The following TCF25 variants were observed in gnomAD, a reference collection of about 807,000 sequenced individuals.
TCF25 encodes TCF25 ribosome quality control complex subunit.
Under a neutral mutation model 83.1 loss-of-function variants are expected in TCF25, and 41 were observed. That is an observed-to-expected ratio of 0.49 (90% CI 0.38 to 0.64). TCF25 has a LOEUF of 0.64. Ranked by LOEUF, TCF25 falls within the 30% of genes least tolerant of loss-of-function variation. The pLI is 0.00. For synonymous variants in TCF25, 458 were observed against 365.0 expected (o/e 1.25, Z -2.90); for missense variants, 979 against 914.5 (o/e 1.07, Z -0.91).
chr16:89,893,897 A>T, intron 7 of TCF25, 39 bp downstream of exon 7: 1 of 1,570,304 alleles, frequency 6.4e-7, no homozygotes, highest in Non-Finnish European at 8.6e-7. Flanking sequence ...AGCAGGGGCC[A>T]TGTAGCCACC....
chr16:89,878,590 T>C, intron 1 of TCF25: 1 of 1,166,546 alleles, frequency 8.6e-7, no homozygotes, highest in Middle Eastern at 2.4e-4. Flanking sequence ...ATGTTCCCCA[T>C]TTGAGACCCT....
At chr16:89,909,509 CAAAAA>C (rs11356338) in intron 16 of TCF25, 11 of 63,974 alleles carry the variant, frequency 1.7e-4, no homozygotes, top group East Asian at 1.5e-3. Context: ...GACTCCGTCT[CAAAAA>C]AAAAAAAAAA....
At chr16:89,883,659 G>C in intron 2 of TCF25, 147 bp downstream of exon 2, 1 of 927,262 alleles carries the variant, frequency 1.1e-6, no homozygotes, top group Non-Finnish European at 1.6e-6. Flanking sequence ...AAATTTACTT[G>C]GGAACCTTGA....
At chr16:89,903,668 G>A (rs572114315) in intron 12 of TCF25, among the ~76,000 whole-genome samples, 9 of 152,078 alleles carry the variant, frequency 5.9e-5, no homozygotes, top group East Asian at 1.9e-4. Context: ...TAACCGGGGC[G>A]TGGTAGTGTG....
At chr16:89,877,704 G>T (rs2042300602) in intron 1 of TCF25, among the ~76,000 whole-genome samples, 1 of 152,136 alleles carries the variant, frequency 6.6e-6, no homozygotes, top group Admixed American at 6.5e-5. Flanking sequence ...CCGAAACTTG[G>T]TTCTCTCAAA....
chr16:89,883,246 T>A, intron 1 of TCF25, 105 bp from the exon 2 acceptor site: 1 of 1,492,426 alleles, frequency 6.7e-7, no homozygotes, highest in Non-Finnish European at 9.1e-7. Context: ...GCACTGACCC[T>A]GGGGGTCCCC....
chr16:89,878,147 G>T lies in TCF25; in HGVS notation c.192+4288G>T, dbSNP rs145993998. 2.8e-3 allele frequency among the ~76,000 whole-genome samples: 425 copies of T among 152,102 alleles called. 1 individual carries two copies. The highest frequency in any genetic ancestry group is 4.7e-3 in the Admixed American group (72 of 15,258). Reference sequence around the variant, plus strand: ...ACAAAAAAACTGTCCAAGTATAGTGGCACTCACCTGTGGTCACAGCTACTC... The same window carrying T: ...ACAAAAAAACTGTCCAAGTATAGTGTCACTCACCTGTGGTCACAGCTACTC... On this transcript the variant is annotated intron_variant, in intron 1 of 17. Coordinates refer to ENST00000263346, the MANE Select transcript of TCF25 (RefSeq NM_014972.3).
In TCF25 at chr16:89,907,315, C is replaced by A. The variant is rs2044876238; in HGVS notation, c.1792C>A (p.Pro598Thr). 2 of 1,612,346 alleles carry A rather than the reference C, an allele frequency of 1.2e-6. No homozygotes were observed. The highest frequency in any genetic ancestry group is 3.3e-5 in the Admixed American group (2 of 59,934). The change falls in exon 16 of 18, where the codon CCA becomes ACA. Residue 598 changes from proline to threonine, a missense_variant. Pro to Thr is a conservative substitution (Grantham distance 38). Coordinates refer to ENST00000263346, the MANE Select transcript of TCF25 (RefSeq NM_014972.3). ...GGACACAATCTACTCCTACGTCAGGCCAGAGAGGTACCTCCCTCCTTCCAG... is the reference window on the plus strand; with the variant it reads ...GGACACAATCTACTCCTACGTCAGGACAGAGAGGTACCTCCCTCCTTCCAG... The part of the protein sequence containing the change: ...PSDTIYSYVR[P>T]ERLSPISHGN...
chr16:89,902,706 A>G (rs1237780453), intron 12 of TCF25, among the ~76,000 whole-genome samples: 1 of 128,570 alleles, frequency 7.8e-6, no homozygotes, highest in Non-Finnish European at 1.8e-5. Context: ...AAGAAAAAAA[A>G]AAAAAGACGG....
At chr16:89,893,947 G>A in intron 7 of TCF25, 89 bp downstream of exon 7, 3 of 1,524,342 alleles carry the variant, frequency 2.0e-6, no homozygotes, top group Non-Finnish European at 2.7e-6. Context: ...GCTGGGGGAG[G>A]CATGCTGCCT....
chr16:89,879,184 T>G (rs1236532910), intron 1 of TCF25, among the ~76,000 whole-genome samples: 1 of 150,590 alleles, frequency 6.6e-6, no homozygotes, highest in Non-Finnish European at 1.5e-5. Flanking sequence ...CTCCTGGGCC[T>G]ATCACCCGTG....
intron 16 of TCF25, chr16:89,909,001 G>T (rs1242726221): frequency 3.9e-6 from 5 of 1,289,510 alleles, no homozygotes; most frequent in Non-Finnish European, 5.1e-6. Context: ...GTTATTTGGG[G>T]GTCACAGCTC....
chr16:89,877,969 G>T (rs987277732), intron 1 of TCF25, among the ~76,000 whole-genome samples: 5 of 152,154 alleles, frequency 3.3e-5, no homozygotes, highest in Admixed American at 6.6e-5. Flanking sequence ...TAAAGATACT[G>T]AATTTTTTAA....
intron 4 of TCF25, 116 bp from the exon 5 acceptor site, chr16:89,887,536 C>A: frequency 1.0e-6 from 1 of 956,834 alleles, no homozygotes; most frequent in Non-Finnish European, 1.5e-6. Context: ...CTGGAAGCTG[C>A]CTTTCAAACC....
chr16:89,877,658 A>G (rs117992357), intron 1 of TCF25, among the ~76,000 whole-genome samples: 2,113 of 152,336 alleles, frequency 0.014, 27 homozygotes, highest in Non-Finnish European at 0.021. Context: ...GAATGCACAG[A>G]ATAGAGTATG....
At chr16:89,899,248 G>T (rs1439437646) in intron 11 of TCF25, among the ~76,000 whole-genome samples, 1 of 152,182 alleles carries the variant, frequency 6.6e-6, no homozygotes, top group African/African-American at 2.4e-5. Flanking sequence ...GGTTGGTTGC[G>T]TGGGGCTGAC....
intron 4 of TCF25, among the ~76,000 whole-genome samples, chr16:89,887,303 T>TAA (rs1000969654): frequency 6.9e-6 from 1 of 144,942 alleles, no homozygotes; most frequent in Middle Eastern, 3.5e-3. Context: ...ATTGCCAGCT[T>TAA]AAAAAAAAAA....
intron 5 of TCF25, among the ~76,000 whole-genome samples, chr16:89,891,954 G>C (rs1005196475): frequency 9.9e-5 from 15 of 152,196 alleles, no homozygotes; most frequent in African/African-American, 3.4e-4. Flanking sequence ...ACAGGTGTGA[G>C]CCCCCGTGCC....
chr16:89,894,004 G>T lies in TCF25; in HGVS notation c.828+146G>T, dbSNP rs983078991. On this transcript the variant is annotated intron_variant, in intron 7 of 17. Coordinates refer to ENST00000263346, the MANE Select transcript of TCF25 (RefSeq NM_014972.3). The stretch of plus-strand genomic sequence containing the variant: ...GGTGCCAGTCTCTGCAGGGCGGTCT[G>T]GCCCTGTGACCAGAAGGAGATGTGT... The T allele has an allele frequency of 8.2e-6, 10 of 1,218,810 alleles. No homozygotes were observed. The African/African-American group carries it at 1.2e-4, about 15-fold the overall frequency. 75.5% of individuals were successfully genotyped at this position (1,218,810 alleles called of 1,614,324 possible).
Sources: gnomAD v4.1 joint callset for allele counts (sites outside exome capture counted in the v4.1 genomes callset) on GRCh38, gnomAD v4.1.1 for gene constraint, MANE v1.5 for transcripts, NCBI Gene and HGNC (gene_info 2026-07-23, HGNC 2026-07-21) for gene names.